The following GRAMD2B variants were observed in gnomAD, a reference collection of about 807,000 sequenced individuals.
GRAMD2B encodes GRAM domain-containing protein 2B.
In GRAMD2B, 41 loss-of-function variants were observed where a neutral mutation model predicts 59.2. That is an observed-to-expected ratio of 0.69 (90% CI 0.54 to 0.90). The LOEUF (loss-of-function observed/expected upper bound fraction) is 0.90, where lower values mean the gene tolerates loss of function less well. Among genes scored for constraint, GRAMD2B ranks in the 40% least tolerant of loss-of-function variants. The pLI, the probability that GRAMD2B is intolerant of heterozygous loss-of-function variation, is 0.00. For missense variants in GRAMD2B, 424 were observed against 500.5 expected, an observed-to-expected ratio of 0.85 and a Z score of 1.46; for synonymous variants, 161 against 182.7, an observed-to-expected ratio of 0.88 and a Z score of 0.96.
chr5:126,363,538 A>C lies in GRAMD2B; in HGVS notation c.128+3079A>C, dbSNP rs1031674549. Among the ~76,000 whole-genome samples, 3 of 152,230 alleles carry C rather than the reference A, an allele frequency of 2.0e-5. No individual in the cohort carries two copies. The South Asian group carries it at 6.2e-4, about 31-fold the overall frequency. ...ATAGCATTATTTTTAATAGCCAAAA[A>C]GTAGAAACAATCCAAGTCTCCATCA... On this transcript the variant is annotated intron_variant, in intron 1 of 13. Transcript: ENST00000513040.
At chr5:126,378,559 A>G (rs1318359599) in intron 1 of GRAMD2B, among the ~76,000 whole-genome samples, 1 of 152,178 alleles carries the variant, frequency 6.6e-6, no homozygotes, top group Non-Finnish European at 1.5e-5. Flanking sequence ...CCCTCTGATT[A>G]TAACTTCTTC....
At chr5:126,420,100 C>A (rs1290442665), upstream of GRAMD2B, among the ~76,000 whole-genome samples, 2 of 147,674 alleles carry the variant, frequency 1.4e-5, no homozygotes, top group African/African-American at 2.5e-5. Flanking sequence ...AAGAAATCTT[C>A]TTTGCTTTTA....
At chr5:126,410,304 A>G (rs1232404774) in intron 1 of GRAMD2B, among the ~76,000 whole-genome samples, 1 of 151,730 alleles carries the variant, frequency 6.6e-6, no homozygotes, top group East Asian at 1.9e-4. Flanking sequence ...CACGATATTG[A>G]TTCTTCCTAC....
upstream of GRAMD2B, among the ~76,000 whole-genome samples, chr5:126,420,582 AG>A (rs1759640340): frequency 6.6e-6 from 1 of 152,202 alleles, no homozygotes; most frequent in Non-Finnish European, 1.5e-5. Flanking sequence ...AAGCTATTTT[AG>A]GGTAACTGAG....
intron 1 of GRAMD2B, among the ~76,000 whole-genome samples, chr5:126,392,376 C>T (rs1157300440): frequency 6.6e-6 from 1 of 152,176 alleles, no homozygotes; most frequent in African/African-American, 2.4e-5. Context: ...CTCTTTCCCT[C>T]CCGTGATAGG....
At position 126,423,498 on chromosome 5, in the gene GRAMD2B, G is replaced by A; in HGVS notation, c.-109G>A. On this transcript the variant is annotated 5_prime_UTR_variant, in exon 1 of 14. Coordinates refer to ENST00000285689, the MANE Select transcript of GRAMD2B (RefSeq NM_023927.4). ...TGCGCTGGGCGGAGGGTGCAGGGGA[G>A]GGCACGGCGCCGCTTGCTTGGCCTG... 2.6e-6 allele frequency: 4 copies of A among 1,528,596 alleles called. No homozygotes were observed. In the South Asian group the frequency reaches 4.9e-5, roughly 19 times the overall value. The allele number at this position is 1,528,596 out of a possible 1,614,324, so 94.7% of individuals were successfully genotyped here. A position where few individuals can be genotyped will look rare whatever the true frequency, so the allele number is the denominator to read the frequency against.
At chr5:126,485,860 T>C (rs530683300) in intron 11 of GRAMD2B, 87 bp downstream of exon 11, 1 of 755,726 alleles carries the variant, frequency 1.3e-6, no homozygotes, top group Non-Finnish European at 2.1e-6. Flanking sequence ...AGACCTACTG[T>C]AAATCTCAAT....
intron 1 of GRAMD2B, among the ~76,000 whole-genome samples, chr5:126,383,667 A>T (rs1344578403): frequency 1.3e-5 from 2 of 152,234 alleles, no homozygotes; most frequent in African/African-American, 4.8e-5. Context: ...AAATTAGTCC[A>T]GGTAGTACAT....
intron 13 of GRAMD2B, among the ~76,000 whole-genome samples, chr5:126,492,491 C>T (rs1044981710): frequency 2.6e-5 from 4 of 151,618 alleles, no homozygotes; most frequent in Admixed American, 1.3e-4. Context: ...GAGGCTGAGA[C>T]AGGAGGATCA....
intron 1 of GRAMD2B, among the ~76,000 whole-genome samples, chr5:126,446,623 A>T (rs1462814353): frequency 3.3e-4 from 24 of 73,390 alleles, no homozygotes; most frequent in Non-Finnish European, 5.0e-4. Context: ...TAAAAATTAA[A>T]AAAAAAAAAA....
At chr5:126,442,864 A>C (rs566587398) in intron 1 of GRAMD2B, among the ~76,000 whole-genome samples, 11 of 152,246 alleles carry the variant, frequency 7.2e-5, no homozygotes, top group East Asian at 1.9e-4. Flanking sequence ...ATTAAAAAAA[A>C]CCAGTAATTT....
At position 126,394,882 on chromosome 5, in the gene GRAMD2B, C is replaced by T. The variant is rs529305329; in HGVS notation, c.125+23315C>T. 1.0e-3 allele frequency among the ~76,000 whole-genome samples: 159 copies of T among 152,216 alleles called. 2 individuals are homozygous for T. Among genetic ancestry groups the T allele is most frequent in the Non-Finnish European group, 1.5e-3 (101 of 68,022 alleles). ...GTTTTTTTTCTGTCCAAGAGTGAGC[C>T]AGCCAAACTAATAACGCTTAGCTAA... On this transcript the variant is annotated intron_variant, in intron 1 of 8. Transcript: ENST00000506445.
chr5:126,396,489 T>G (rs1221259685), intron 1 of GRAMD2B, among the ~76,000 whole-genome samples: 1 of 152,220 alleles, frequency 6.6e-6, no homozygotes, highest in African/African-American at 2.4e-5. Flanking sequence ...CCATCCATGT[T>G]CCTGCAACGG....
Position 126,483,582 on chromosome 5 carries a change from A to T in GRAMD2B, c.847+8A>T, listed in dbSNP as rs1772289172. 1 of 1,507,072 alleles carries T rather than the reference A, an allele frequency of 6.6e-7. No individual in the cohort carries two copies. Among genetic ancestry groups the T allele is most frequent in the Non-Finnish European group, 9.2e-7 (1 of 1,085,790 alleles). 93.4% of individuals were successfully genotyped at this position (1,507,072 alleles called of 1,614,324 possible). On this transcript the variant is annotated splice_region_variant and intron_variant, in intron 9 of 13. Coordinates refer to ENST00000285689, the MANE Select transcript of GRAMD2B (RefSeq NM_023927.4). Reference sequence around the variant, plus strand: ...AATCTGAGAACTCTCGAGGTTTGGGAAATTGTTGTATTTTGACTAAAATTT... The same window carrying T: ...AATCTGAGAACTCTCGAGGTTTGGGTAATTGTTGTATTTTGACTAAAATTT...
intron 1 of GRAMD2B, among the ~76,000 whole-genome samples, chr5:126,413,742 A>C (rs1015006043): frequency 6.6e-6 from 1 of 152,080 alleles, no homozygotes; most frequent in African/African-American, 2.4e-5. Context: ...GTCTTTTTGT[A>C]GGCCTAGAAG....
intron 1 of GRAMD2B, among the ~76,000 whole-genome samples, chr5:126,396,505 A>T (rs1288186131): frequency 1.3e-5 from 2 of 152,186 alleles, no homozygotes; most frequent in African/African-American, 2.4e-5. Flanking sequence ...AACGGACATG[A>T]TCTCATTCTT....
At chr5:126,447,526 T>C (rs998949539) in intron 1 of GRAMD2B, among the ~76,000 whole-genome samples, 1 of 151,628 alleles carries the variant, frequency 6.6e-6, no homozygotes, top group Non-Finnish European at 1.5e-5. Flanking sequence ...TAGCCGGGCG[T>C]GGTGGCGGGC....
chr5:126,475,751 G>T (rs1770458355), intron 5 of GRAMD2B, among the ~76,000 whole-genome samples: 1 of 152,184 alleles, frequency 6.6e-6, no homozygotes. Context: ...GATCACCTGA[G>T]GTCGGGCGTT....
Position 126,482,926 on chromosome 5 carries a change from A to G in GRAMD2B, c.736-537A>G, listed in dbSNP as rs60503631. On this transcript the variant is annotated intron_variant, in intron 8 of 13. Coordinates refer to ENST00000285689, the MANE Select transcript of GRAMD2B (RefSeq NM_023927.4). ...CATCTTTCTAAAATTTAAATGTACT[A>G]TCACTAACCCTGTTTTGATTTAGTT... 9.2e-3 allele frequency among the ~76,000 whole-genome samples: 1,395 copies of G among 152,316 alleles called. 31 individuals are homozygous for G. Among genetic ancestry groups the G allele is most frequent in the African/African-American group, 0.032 (1,311 of 41,554 alleles).
Sources: gnomAD v4.1 joint callset for allele counts (sites outside exome capture counted in the v4.1 genomes callset) on GRCh38, gnomAD v4.1.1 for gene constraint, MANE v1.5 for transcripts, NCBI Gene and HGNC (gene_info 2026-07-23, HGNC 2026-07-21) for gene names.